Variants in MAB21L3 observed in about 807,000 individuals in gnomAD.
MAB21L3 encodes the protein protein mab-21-like 3.
Under a neutral mutation model 37.7 loss-of-function variants are expected in MAB21L3, and 36 were observed. The ratio of observed to expected loss-of-function variants is 0.96; its 90% CI spans 0.73 to 1.26. The LOEUF (loss-of-function observed/expected upper bound fraction) is 1.26, where lower values mean the gene tolerates loss of function less well. MAB21L3 is among the 50% of genes most tolerant of loss of function. The pLI is 0.00. For synonymous variants in MAB21L3, 186 were observed against 176.8 expected (o/e 1.05, Z -0.41); for missense variants, 430 against 447.3 (o/e 0.96, Z 0.35).
intron 4 of MAB21L3, 73 bp downstream of exon 4, chr1:116,121,145 G>A (rs1659738705): frequency 3.5e-6 from 5 of 1,431,722 alleles, no homozygotes; most frequent in Non-Finnish European, 3.9e-6. Context: ...CTCAGTGTGT[G>A]ACAGATGCTT....
chr1:116,119,700 T>C (rs760896537), intron 3 of MAB21L3, among the ~76,000 whole-genome samples: 3 of 152,274 alleles, frequency 2.0e-5, no homozygotes, highest in Non-Finnish European at 4.4e-5. Context: ...CTGAGCAAGA[T>C]GACAAAGTGC....
chr1:116,136,763 G>T lies in MAB21L3; in HGVS notation c.*3398G>T, dbSNP rs1378206355. 6.6e-6 allele frequency among the ~76,000 whole-genome samples: 1 copy of T among 151,690 alleles called. No individual in the cohort carries two copies. Among genetic ancestry groups the T allele is most frequent in the Non-Finnish European group, 1.5e-5 (1 of 67,826 alleles). On this transcript the variant is annotated 3_prime_UTR_variant, in exon 8 of 8. Transcript: ENST00000369500. The stretch of plus-strand genomic sequence containing the variant: ...CAGTAACCAAAACAGCATGGTACTG[G>T]TACCAAAACAGGGATATAGATCAAT...
intron 4 of MAB21L3, among the ~76,000 whole-genome samples, chr1:116,122,824 C>T (rs1659790809): frequency 6.6e-6 from 1 of 152,220 alleles, no homozygotes; most frequent in South Asian, 2.1e-4. Flanking sequence ...TGACTAATAA[C>T]ATGATAGTTG....
At position 116,135,818 on chromosome 1, in the gene MAB21L3, T is replaced by A. The variant is rs1471288940; in HGVS notation, c.*2453T>A. ...CTTCATCCCTGGGATGCAAGGCTGG[T>A]TCAATATACGCAAATCAATAAATGT... On this transcript the variant is annotated 3_prime_UTR_variant, in exon 8 of 8. Transcript: ENST00000369500. Among the ~76,000 whole-genome samples the A allele has an allele frequency of 6.6e-6, 1 of 150,694 alleles. No homozygotes were observed. The highest frequency in any genetic ancestry group is 2.4e-5 in the African/African-American group (1 of 41,238).
chr1:116,122,462 T>C (rs141675838), intron 4 of MAB21L3, among the ~76,000 whole-genome samples: 102 of 152,402 alleles, frequency 6.7e-4, no homozygotes, highest in African/African-American at 2.4e-3. Context: ...CATTTATATA[T>C]GTCATGTCTC....
intron 7 of MAB21L3, among the ~76,000 whole-genome samples, chr1:116,129,596 A>G (rs1660012491): frequency 6.6e-6 from 1 of 152,200 alleles, no homozygotes; most frequent in Non-Finnish European, 1.5e-5. Context: ...GCTCTAAAGT[A>G]ACTTATTGAA....
rs1659964757 is a variant in MAB21L3 at position 116,128,167 on chromosome 1, C to T, written c.683C>T (p.Ala228Val). Reference protein sequence around the residue: ...CIKSFGFNLLACSNYHWQLSF... With the variant: ...CIKSFGFNLLVCSNYHWQLSF... ...CAGTCGTTTGGATTTAACTTGTTGGCCTGTTCAAATTATCACTGGCAGCTG... is the reference window on the plus strand; with the variant it reads ...CAGTCGTTTGGATTTAACTTGTTGGTCTGTTCAAATTATCACTGGCAGCTG... Residue 228 changes from alanine to valine, a missense_variant, in exon 7 of 8, where the codon GCC becomes GTC. Coordinates refer to ENST00000369500, the MANE Select transcript of MAB21L3 (RefSeq NM_152367.3). The T allele has an allele frequency of 6.2e-7, 1 of 1,605,426 alleles. No homozygotes were observed. Among genetic ancestry groups the T allele is most frequent in the Non-Finnish European group, 8.5e-7 (1 of 1,175,434 alleles).
Position 116,128,408 on chromosome 1 carries a change from G to C in MAB21L3, c.855+69G>C, listed in dbSNP as rs560461455. 652 of 1,462,770 alleles carry C rather than the reference G, an allele frequency of 4.5e-4. 8 individuals are homozygous for C. In the South Asian group the frequency reaches 8.3e-3, roughly 19 times the overall value. 90.6% of individuals were successfully genotyped at this position (1,462,770 alleles called of 1,614,324 possible). A position where few individuals can be genotyped will look rare whatever the true frequency, so the allele number is the denominator to read the frequency against. On this transcript the variant is annotated intron_variant, in intron 7 of 7. Transcript: ENST00000369500. ...ATAGGTCATTCTTCCTGTGGCCTCT[G>C]TAGGGCCTGGCCAGAGCCACTCAGA...
chr1:116,115,379 A>G (rs902256604), intron 3 of MAB21L3, among the ~76,000 whole-genome samples: 10 of 152,154 alleles, frequency 6.6e-5, no homozygotes, highest in African/African-American at 2.2e-4. Flanking sequence ...CGTATCTATC[A>G]CTGGATTTAA....
chr1:116,133,430 T>C lies in MAB21L3; in HGVS notation c.*65T>C. 1 of 1,453,904 alleles carries C rather than the reference T, an allele frequency of 6.9e-7. No individual in the cohort carries two copies. Among genetic ancestry groups the C allele is most frequent in the African/African-American group, 1.4e-5 (1 of 71,306 alleles). 90.1% of individuals were successfully genotyped at this position (1,453,904 alleles called of 1,614,324 possible). A position where few individuals can be genotyped will look rare whatever the true frequency, so the allele number is the denominator to read the frequency against. On this transcript the variant is annotated 3_prime_UTR_variant, in exon 8 of 8. Coordinates refer to ENST00000369500, the MANE Select transcript of MAB21L3 (RefSeq NM_152367.3). ...TGGCTTAACATTGTTCTTTGGATGG[T>C]TCCTCAGTCAGGTGCCAGGATCCTG...
intron 5 of MAB21L3, among the ~76,000 whole-genome samples, chr1:116,125,001 G>A (rs913173473): frequency 2.8e-5 from 4 of 144,094 alleles, no homozygotes; most frequent in African/African-American, 1.1e-4. Flanking sequence ...AAAAAGATGA[G>A]CTGACCAATA....
intron 7 of MAB21L3, among the ~76,000 whole-genome samples, chr1:116,131,663 C>T (rs1439156460): frequency 7.2e-5 from 11 of 152,176 alleles, no homozygotes; most frequent in East Asian, 1.9e-4. Flanking sequence ...TACAGGCACC[C>T]GCCACCACGC....
chr1:116,133,302 A>T lies in MAB21L3; in HGVS notation c.1026A>T (p.Glu342Asp), dbSNP rs779380705. 10 of 1,614,058 alleles carry T rather than the reference A, an allele frequency of 6.2e-6. No homozygotes were observed. The highest frequency in any genetic ancestry group is 8.5e-6 in the Non-Finnish European group (10 of 1,180,032). The change falls in exon 8 of 8, where the codon GAA becomes GAT. Residue 342 changes from glutamate (E) to aspartate (D), a missense_variant. Coordinates refer to ENST00000369500, the MANE Select transcript of MAB21L3 (RefSeq NM_152367.3). Reference sequence around the variant, plus strand: ...TCTTTCAGTGCACCAACCCGACTGAACTGGACACTGTGGCCCAAAAGCTGG... The same window carrying T: ...TCTTTCAGTGCACCAACCCGACTGATCTGGACACTGTGGCCCAAAAGCTGG... Reference protein sequence around the residue: ...SNLFQCTNPTELDTVAQKLAT... With the variant: ...SNLFQCTNPTDLDTVAQKLAT...
At chr1:116,123,605 TC>T (rs1412422008) in intron 4 of MAB21L3, among the ~76,000 whole-genome samples, 4 of 152,200 alleles carry the variant, frequency 2.6e-5, no homozygotes, top group Admixed American at 2.6e-4. Flanking sequence ...TGGTTGTGTG[TC>T]CCTGAGGAGA....
chr1:116,112,020 G>C (rs199576437), intron 2 of MAB21L3, among the ~76,000 whole-genome samples: 3 of 152,128 alleles, frequency 2.0e-5, no homozygotes, highest in African/African-American at 7.2e-5. Context: ...ACTTGTTTGC[G>C]GGCATAATGA....
At chr1:116,132,915 G>A (rs1027922827) in intron 7 of MAB21L3, among the ~76,000 whole-genome samples, 3 of 152,172 alleles carry the variant, frequency 2.0e-5, no homozygotes. Context: ...AAATGTTGGA[G>A]GAGAGTGAGG....
At chr1:116,127,277 T>C (rs112441154) in intron 5 of MAB21L3, among the ~76,000 whole-genome samples, 189 bp from the exon 6 acceptor site, 21 of 152,196 alleles carry the variant, frequency 1.4e-4, no homozygotes, top group Non-Finnish European at 2.5e-4. Flanking sequence ...TGACTAACCA[T>C]CTGGTTTTGA....
At chr1:116,124,035 A>G (rs1453548795) in intron 4 of MAB21L3, 31 bp from the exon 5 acceptor site, 1 of 1,561,428 alleles carries the variant, frequency 6.4e-7, no homozygotes, top group East Asian at 2.3e-5. Flanking sequence ...CTGTGAATTC[A>G]TGCTTGTTTT....
At position 116,127,551 on chromosome 1, in the gene MAB21L3, C is replaced by T. The variant is rs777586386; in HGVS notation, c.567C>T (p.Pro189=). The change falls in exon 6 of 8, where the codon CCC becomes CCT. Residue 189 remains proline (P), a synonymous_variant. Transcript: ENST00000369500. The stretch of plus-strand genomic sequence containing the variant: ...ATCAGGTGGAACTGGAGCTGGTCCC[C>T]GCAGTGGAGATCCCCACCACCTGGT... The part of the protein sequence containing the change: ...SAYQVELELV[P]AVEIPTTWSK... The T allele has an allele frequency of 8.7e-6, 14 of 1,614,058 alleles. No homozygotes were observed. Among genetic ancestry groups the T allele is most frequent in the African/African-American group, 5.3e-5 (4 of 74,922 alleles).
Sources: allele counts gnomAD v4.1 joint callset (sites outside exome capture counted in the v4.1 genomes callset), GRCh38; gene constraint gnomAD v4.1.1; transcripts MANE v1.5; gene names NCBI Gene and HGNC (gene_info 2026-07-23, HGNC 2026-07-21).